Variants in ATRX observed in about 807,000 individuals in gnomAD.
ATRX encodes the protein chromatin remodeler ATRX.
Under a neutral mutation model 172.6 loss-of-function variants are expected in ATRX, and 12 were observed. The ratio of observed to expected loss-of-function variants is 0.07; its 90% CI spans 0.04 to 0.11. The LOEUF is 0.11. Among genes scored for constraint, ATRX ranks in the 10% least tolerant of loss-of-function variants. The pLI, the probability that ATRX is intolerant of heterozygous loss-of-function variation, is 1.00. For synonymous variants in ATRX, 674 were observed against 594.7 expected, an observed-to-expected ratio of 1.13 and a Z score of -1.94; for missense variants, 1,368 against 1,767.4, an observed-to-expected ratio of 0.77 and a Z score of 4.05.
chrX:77,657,717 C>G (rs1363912037), intron 12 of ATRX, among the ~76,000 whole-genome samples: 1 of 112,019 alleles, frequency 8.9e-6, no homozygotes, highest in African/African-American at 3.2e-5. Context: ...TACCACAGTA[C>G]TAACTGCTTC....
At chrX:77,714,669 A>G (rs1458467987) in intron 2 of ATRX, among the ~76,000 whole-genome samples, 1 of 111,711 alleles carries the variant, frequency 9.0e-6, no homozygotes, top group African/African-American at 3.3e-5. Flanking sequence ...AAAAATGTAT[A>G]ACCTGAATCT....
rs576942466 is a variant in ATRX at position 77,751,938 on chromosome X, G to A, written c.20+34044C>T. Among the ~76,000 whole-genome samples the A allele has an allele frequency of 3.6e-5, 4 of 111,726 alleles. No homozygotes were observed. The South Asian group carries it at 1.5e-3, about 41-fold the overall frequency. ...CTGGAGCCTTGTAGTATAGTTTGAG[G>A]TCAGGTAGCAGGATGCCTCCAGCTT... is the stretch of plus-strand genomic sequence containing the variant. On this transcript the variant is annotated intron_variant, in intron 1 of 34. Transcript: ENST00000373344.
chrX:77,508,322 T>C lies in ATRX; in HGVS notation c.*29A>G, dbSNP rs782760545. 4 of 1,202,139 alleles carry C rather than the reference T, an allele frequency of 3.3e-6. No individual in the cohort carries two copies. The highest frequency in any genetic ancestry group is 3.4e-6 in the Non-Finnish European group (3 of 886,740). The stretch of plus-strand genomic sequence containing the variant: ...AAAATAAAAGATCTTTCTATGATTT[T>C]AACAATCCATTAAGCTTTTAGTGCA... On this transcript the variant is annotated 3_prime_UTR_variant, in exon 35 of 35. Transcript: ENST00000373344.
Position 77,574,351 on chromosome X carries a change from C to G in ATRX, c.6225G>C (p.Gly2075=). The change falls in exon 28 of 35, where the codon GGG becomes GGC. Residue 2075 remains glycine, a synonymous_variant. Transcript: ENST00000373344. ...KDKPLIYKGE[G]KWLRNIDYYR... ...AATAGTCAATGTTTCGAAGCCACTT[C>G]CCCTCACCTGAAAATTTAACAAAAG... The G allele has an allele frequency of 8.4e-7, 1 of 1,188,757 alleles. No individual in the cohort carries two copies. The highest frequency in any genetic ancestry group is 1.8e-5 in the South Asian group (1 of 56,423).
chrX:77,533,396 C>T (rs895376339), intron 30 of ATRX, among the ~76,000 whole-genome samples: 5 of 112,159 alleles, frequency 4.5e-5, no homozygotes, highest in African/African-American at 1.6e-4. Flanking sequence ...CAATGATAGA[C>T]TGGATAAAGA....
At chrX:77,533,735 T>C (rs781828344) in intron 30 of ATRX, among the ~76,000 whole-genome samples, 18 of 111,355 alleles carry the variant, frequency 1.6e-4, no homozygotes, top group Non-Finnish European at 3.4e-4. Context: ...GGCACACATT[T>C]ACCTGCATAA....
At chrX:77,590,611 C>CAA (rs782519159) in intron 26 of ATRX, among the ~76,000 whole-genome samples, 10 of 32,315 alleles carry the variant, frequency 3.1e-4, no homozygotes, top group Non-Finnish European at 5.8e-4. Flanking sequence ...GACTCTGTCT[C>CAA]AAAAAAAAAA....
chrX:77,566,578 C>T (rs1359498919), intron 28 of ATRX, among the ~76,000 whole-genome samples: 6 of 111,568 alleles, frequency 5.4e-5, no homozygotes, highest in African/African-American at 2.0e-4. Context: ...TATGGTACAA[C>T]CCCATCTCTA....
rs2075796853 is a variant in ATRX at position 77,763,472 on chromosome X, TTA to T, written c.20+22508_20+22509del. Among the ~76,000 whole-genome samples the T allele has an allele frequency of 4.2e-5, 4 of 95,349 alleles. No individual in the cohort carries two copies. In the South Asian group the frequency reaches 2.0e-3, roughly 47 times the overall value. The allele number at this position is 95,349 out of a possible 115,157, so 82.8% of individuals were successfully genotyped here. A position where few individuals can be genotyped will look rare whatever the true frequency, so the allele number is the denominator to read the frequency against. On this transcript the variant is annotated intron_variant, in intron 1 of 34. Coordinates refer to ENST00000373344, the MANE Select transcript of ATRX (RefSeq NM_000489.6). ...TATACTATTTTCTTTTTTCTTTTTT[TTA>T]AAAAAAAAAAAAAAAAAAATGAGTC...
At chrX:77,710,073 T>A (rs1557159855) in intron 2 of ATRX, among the ~76,000 whole-genome samples, 2 of 107,757 alleles carry the variant, frequency 1.9e-5, no homozygotes, top group African/African-American at 3.4e-5. Flanking sequence ...CCGAGGTGGG[T>A]GGATCACCTG....
intron 34 of ATRX, among the ~76,000 whole-genome samples, chrX:77,513,401 G>C (rs997565702): frequency 9.3e-6 from 1 of 107,021 alleles, no homozygotes; most frequent in Non-Finnish European, 1.9e-5. Context: ...AGCTGCCACC[G>C]AAAGACAAGG....
At chrX:77,652,680 G>A (rs113746988) in intron 14 of ATRX, among the ~76,000 whole-genome samples, 6 of 107,069 alleles carry the variant, frequency 5.6e-5, no homozygotes, top group Admixed American at 1.0e-4. Flanking sequence ...GGCAGTGTGC[G>A]CCTGTAGTCC....
rs782606949 is a variant in ATRX, at chrX:77,607,596, C to A, written c.5567-7032G>T. Reference sequence around the variant, plus strand: ...GAGCATGGTGGTGCACACGTGTAATCCCAGCTATTTGGGAGGCTGAGGCAT... The same window carrying A: ...GAGCATGGTGGTGCACACGTGTAATACCAGCTATTTGGGAGGCTGAGGCAT... On this transcript the variant is annotated intron_variant, in intron 22 of 34. Transcript: ENST00000373344. 1.4e-4 allele frequency among the ~76,000 whole-genome samples: 15 copies of A among 107,326 alleles called. 1 individual carries two copies. In the South Asian group the frequency reaches 6.3e-3, roughly 45 times the overall value. 93.2% of individuals were successfully genotyped at this position (107,326 alleles called of 115,157 possible). A position where few individuals can be genotyped will look rare whatever the true frequency, so the allele number is the denominator to read the frequency against.
At chrX:77,782,209 G>A (rs1043594377) in intron 1 of ATRX, among the ~76,000 whole-genome samples, 1 of 111,797 alleles carries the variant, frequency 8.9e-6, no homozygotes, top group Non-Finnish European at 1.9e-5. Context: ...TTTTCATAGT[G>A]GAAATGCAAG....
In ATRX at chrX:77,576,393, TAA is replaced by T. The variant is rs782526428; in HGVS notation, c.6218-2037_6218-2036del. ...GCTTATATTTAACTACAGTCAAATG[TAA>T]AAATACACATATATACTACACATAT... is the stretch of plus-strand genomic sequence containing the variant. On this transcript the variant is annotated intron_variant, in intron 27 of 34. Transcript: ENST00000373344. Among the ~76,000 whole-genome samples, 3 of 110,622 alleles carry T rather than the reference TAA, an allele frequency of 2.7e-5. No individual in the cohort carries two copies. The Admixed American group carries it at 2.9e-4, about 11-fold the overall frequency.
At chrX:77,723,010 TA>T (rs1289240601) in intron 1 of ATRX, among the ~76,000 whole-genome samples, 1 of 111,638 alleles carries the variant, frequency 9.0e-6, no homozygotes, top group Non-Finnish European at 1.9e-5. Flanking sequence ...TATGCAGCCA[TA>T]AAAAAGGATG....
intron 29 of ATRX, among the ~76,000 whole-genome samples, chrX:77,558,458 A>T (rs2064882926): frequency 9.0e-6 from 1 of 111,575 alleles, no homozygotes; most frequent in African/African-American, 3.3e-5. Context: ...CATGCAAAAC[A>T]ATCTCAACCT....
intron 10 of ATRX, among the ~76,000 whole-genome samples, chrX:77,666,021 T>TGATA (rs2070217636): frequency 1.9e-3 from 1 of 540 alleles, no homozygotes; most frequent in African/African-American, 3.6e-3. Context: ...AAATTTTATT[T>TGATA]GACAGATTGT....
At chrX:77,634,526 A>G (rs2068257165) in intron 17 of ATRX, 68 bp downstream of exon 17, 1 of 936,818 alleles carries the variant, frequency 1.1e-6, no homozygotes, top group East Asian at 3.1e-5. Flanking sequence ...TGCCTGAAAC[A>G]TAATAGAATC....
Sources: allele counts gnomAD v4.1 joint callset (sites outside exome capture counted in the v4.1 genomes callset), GRCh38; gene constraint gnomAD v4.1.1; transcripts MANE v1.5; gene names NCBI Gene and HGNC (gene_info 2026-07-23, HGNC 2026-07-21).